SERINC5: variants seen among roughly 807,000 people sequenced by gnomAD.
SERINC5 encodes serine incorporator 5, also known as chromosome 5 open reading frame 12.
SERINC5 carries 41 observed loss-of-function variants against 63.1 expected under a neutral mutation model. That is an observed-to-expected ratio of 0.65 (90% CI 0.51 to 0.84). The LOEUF (loss-of-function observed/expected upper bound fraction) is 0.84. SERINC5 is among the 40% of genes least tolerant of loss of function. The pLI is 0.00. For missense variants in SERINC5, 523 were observed against 573.0 expected, an observed-to-expected ratio of 0.91 and a Z score of 0.89; for synonymous variants, 222 against 215.2, an observed-to-expected ratio of 1.03 and a Z score of -0.28.
At chr5:80,220,164 C>T (rs1020600768) in intron 1 of SERINC5, among the ~76,000 whole-genome samples, 1 of 151,696 alleles carries the variant, frequency 6.6e-6, no homozygotes, top group Non-Finnish European at 1.5e-5. Context: ...GCCCAGACAG[C>T]GCCACCATAC....
rs546138946 is a variant in SERINC5 at position 80,215,147 on chromosome 5, G to A, written c.28-12094C>T. On this transcript the variant is annotated intron_variant, in intron 1 of 11. Transcript: ENST00000507668. The stretch of plus-strand genomic sequence containing the variant: ...ATGTTGGAGATGGGGCCTGGTGGCA[G>A]ATGACTGCATCATGGGGGAAGATTT... Among the ~76,000 whole-genome samples, 16 of 152,362 alleles carry A rather than the reference G, an allele frequency of 1.1e-4. No homozygotes were observed. In the East Asian group the frequency reaches 3.1e-3, roughly 29 times the overall value.
chr5:80,158,562 C>A (rs984381041), intron 8 of SERINC5: 4 of 375,656 alleles, frequency 1.1e-5, no homozygotes, highest in African/African-American at 6.1e-5. Flanking sequence ...CTGCAACATG[C>A]CATATATTTG....
At chr5:80,134,800 A>G (rs987947840), downstream of SERINC5, among the ~76,000 whole-genome samples, 1 of 152,252 alleles carries the variant, frequency 6.6e-6, no homozygotes, top group Non-Finnish European at 1.5e-5. Flanking sequence ...CAGGCTTCTG[A>G]AAGAACAAGT....
Position 80,161,048 on chromosome 5 carries a change from A to ATATGTG in SERINC5, c.860-2087_860-2086insCACATA, listed in dbSNP as rs1554061929. 6.7e-3 allele frequency among the ~76,000 whole-genome samples: 1,010 copies of ATATGTG among 149,686 alleles called. 13 individuals are homozygous for ATATGTG. The highest frequency in any genetic ancestry group is 0.024 in the African/African-American group (956 of 40,574). On this transcript the variant is annotated intron_variant, in intron 7 of 11. Transcript: ENST00000507668. ...TATATACACACGTGTATATATATATATGTATGTATGTATATATATAAAAAT... is the reference window on the plus strand; with the variant it reads ...TATATACACACGTGTATATATATATATATGTGTGTATGTATGTATATATATAAAAAT...
chr5:80,150,788 G>A (rs968911028), intron 9 of SERINC5, 94 bp downstream of exon 9: 18 of 884,668 alleles, frequency 2.0e-5, no homozygotes, highest in Admixed American at 3.6e-5. Flanking sequence ...ACAGGATCAC[G>A]GAATGCAGAC....
At chr5:80,217,322 T>C (rs1315331568) in intron 1 of SERINC5, among the ~76,000 whole-genome samples, 1 of 152,168 alleles carries the variant, frequency 6.6e-6, no homozygotes, top group Non-Finnish European at 1.5e-5. Context: ...TCATGGAGAT[T>C]ATGCTGCAAG....
intron 7 of SERINC5, among the ~76,000 whole-genome samples, chr5:80,162,136 T>C (rs1339679300): frequency 6.6e-6 from 1 of 152,218 alleles, no homozygotes; most frequent in Admixed American, 6.5e-5. Context: ...AAGGGACTCC[T>C]CCAGCTTTGA....
At chr5:80,130,661 A>G (rs899050245) in intron 11 of SERINC5, among the ~76,000 whole-genome samples, 4 of 152,202 alleles carry the variant, frequency 2.6e-5, no homozygotes, top group African/African-American at 7.2e-5. Context: ...CCTATGTCCC[A>G]TTCCCTAAAT....
chr5:80,158,800 C>T (rs1561378128), intron 8 of SERINC5, 36 bp downstream of exon 8: 1 of 1,597,234 alleles, frequency 6.3e-7, no homozygotes, highest in East Asian at 2.2e-5. Context: ...ATTTTAAAGT[C>T]TGCAAAAGTG....
In SERINC5 at chr5:80,141,520, C is replaced by T; in HGVS notation, c.*2143G>A. The T allele has an allele frequency of 1.0e-6, 1 of 985,548 alleles. No individual in the cohort carries two copies. Among genetic ancestry groups the T allele is most frequent in the Non-Finnish European group, 1.2e-6 (1 of 830,030 alleles). The allele number at this position is 985,548 out of a possible 1,614,324, so 61.1% of individuals were successfully genotyped here. On this transcript the variant is annotated 3_prime_UTR_variant, in exon 12 of 12. Coordinates refer to ENST00000507668, the MANE Select transcript of SERINC5 (RefSeq NM_001174072.3). ...CCCAGCCGAGAGGACAAAGCAAGGG[C>T]TCTGCTAGACCTCAGCAGGAGGAAA...
intron 9 of SERINC5, among the ~76,000 whole-genome samples, 153 bp downstream of exon 9, chr5:80,150,729 C>T (rs192404562): frequency 1.3e-5 from 2 of 152,360 alleles, no homozygotes; most frequent in East Asian, 3.9e-4. Context: ...AGCCACCACA[C>T]CCGGCCAGCA....
At chr5:80,158,715 T>C in intron 8 of SERINC5, 121 bp downstream of exon 8, 1 of 910,418 alleles carries the variant, frequency 1.1e-6, no homozygotes, top group Non-Finnish European at 1.6e-6. Flanking sequence ...CCTTTTTACT[T>C]GTGGTTATTT....
intron 7 of SERINC5, among the ~76,000 whole-genome samples, chr5:80,159,734 T>G (rs1306220795): frequency 6.6e-6 from 1 of 152,068 alleles, no homozygotes. Context: ...ATTTAATCAA[T>G]CATGCCTGTG....
intron 12 of SERINC5, among the ~76,000 whole-genome samples, chr5:80,112,152 A>T (rs1744138539): frequency 6.6e-6 from 1 of 152,144 alleles, no homozygotes; most frequent in African/African-American, 2.4e-5. Context: ...TGTGCTGAGG[A>T]GAATTAGTAA....
chr5:80,121,237 T>C (rs1185145723), intron 11 of SERINC5, among the ~76,000 whole-genome samples: 1 of 152,190 alleles, frequency 6.6e-6, no homozygotes, highest in Non-Finnish European at 1.5e-5. Context: ...GAGTTTTAAC[T>C]GGCTCATGAT....
chr5:80,232,077 G>C (rs547205896), intron 1 of SERINC5, among the ~76,000 whole-genome samples: 191 of 136,032 alleles, frequency 1.4e-3, no homozygotes, highest in African/African-American at 5.2e-3. Flanking sequence ...ACTCCACCCT[G>C]AGAAACAGAC....
chr5:80,140,128 G>A lies in SERINC5; in HGVS notation c.*3535C>T. ...GCACATTGCTTGAGCTCAGGAGTTT[G>A]AGACCAGCCTGGACAACCCCATCTC... On this transcript the variant is annotated 3_prime_UTR_variant, in exon 12 of 12. Transcript: ENST00000507668. The A allele has an allele frequency of 1.2e-6, 1 of 853,462 alleles. No homozygotes were observed. The highest frequency in any genetic ancestry group is 1.4e-6 in the Non-Finnish European group (1 of 710,044). 52.9% of individuals were successfully genotyped at this position (853,462 alleles called of 1,614,324 possible).
chr5:80,137,164 C>CAAAA (rs796274001), downstream of SERINC5, among the ~76,000 whole-genome samples: 2 of 79,080 alleles, frequency 2.5e-5, no homozygotes, highest in African/African-American at 4.1e-5. Flanking sequence ...AAAAAAAAAA[C>CAAAA]AAAAAAAACA....
chr5:80,223,873 C>G (rs906753510), intron 1 of SERINC5, among the ~76,000 whole-genome samples: 1 of 152,010 alleles, frequency 6.6e-6, no homozygotes, highest in African/African-American at 2.4e-5. Flanking sequence ...CGCCTATAAT[C>G]CCAGCACTTT....
Sources: gnomAD v4.1 joint callset for allele counts (sites outside exome capture counted in the v4.1 genomes callset) on GRCh38, gnomAD v4.1.1 for gene constraint, MANE v1.5 for transcripts, NCBI Gene and HGNC (gene_info 2026-07-23, HGNC 2026-07-21) for gene names.